Variants in LARGE1 observed in about 807,000 individuals in gnomAD.
The protein encoded by LARGE1 is xylosyl- and glucuronyltransferase LARGE1.
In LARGE1, 43 loss-of-function variants were observed where a neutral mutation model predicts 87.6. The ratio of observed to expected loss-of-function variants is 0.49; its 90% confidence interval spans 0.38 to 0.63. The LOEUF (loss-of-function observed/expected upper bound fraction) is 0.63. Among genes scored for constraint, LARGE1 ranks in the 30% least tolerant of loss-of-function variants. The probability of loss-of-function intolerance (pLI) is 0.00; values close to 1 mark genes in which losing one functional copy is unlikely to be tolerated. For synonymous variants in LARGE1, 434 were observed against 394.6 expected (o/e 1.10, Z -1.18); for missense variants, 802 against 1,000.2 (o/e 0.80, Z 2.67).
chr22:33,106,818 A>G, the LARGE1 span, among the ~76,000 whole-genome samples: 3 of 152,198 alleles, frequency 2.0e-5, no homozygotes, highest in South Asian at 6.2e-4. Flanking sequence ...TTAAATAGCA[A>G]AAACCGCAAT....
At chr22:33,246,626 C>G (rs969440840) in intron 11 of LARGE1, among the ~76,000 whole-genome samples, 1 of 151,996 alleles carries the variant, frequency 6.6e-6, no homozygotes. Flanking sequence ...AGCTTGGGTG[C>G]CAGAGCGAGA....
chr22:33,170,046 T>A (rs1191554773), intron 11 of LARGE1, among the ~76,000 whole-genome samples: 1 of 151,638 alleles, frequency 6.6e-6, no homozygotes, highest in Non-Finnish European at 1.5e-5. Context: ...GCAGGTGGAG[T>A]CTTCTGGGGT....
At chr22:33,603,348 A>G (rs1569305279) in intron 5 of LARGE1, among the ~76,000 whole-genome samples, 3 of 152,242 alleles carry the variant, frequency 2.0e-5, no homozygotes, top group Admixed American at 6.5e-5. Flanking sequence ...GCATTTCTGC[A>G]AAGTTACATG....
intron 11 of LARGE1, among the ~76,000 whole-genome samples, chr22:33,249,310 T>C (rs1336176298): frequency 2.6e-5 from 4 of 152,234 alleles, no homozygotes; most frequent in Non-Finnish European, 4.4e-5. Context: ...AGAGCAACTT[T>C]TTATATGTTT....
At chr22:33,473,335 G>A (rs2413188) in intron 6 of LARGE1, among the ~76,000 whole-genome samples, 147,298 of 152,184 alleles carry the variant, frequency 0.97, 71,289 homozygotes, top group African/African-American at 0.99. Context: ...TGCCCGGGTA[G>A]TTCTTTTTAT....
chr22:33,519,819 G>T (rs1472682842), intron 6 of LARGE1, among the ~76,000 whole-genome samples: 1 of 152,096 alleles, frequency 6.6e-6, no homozygotes, highest in African/African-American at 2.4e-5. Flanking sequence ...TGTTTATGAC[G>T]CTGGGTAAAA....
intron 9 of LARGE1, among the ~76,000 whole-genome samples, chr22:33,374,436 A>G (rs541330783): frequency 6.6e-6 from 1 of 152,336 alleles, no homozygotes; most frequent in African/African-American, 2.4e-5. Context: ...GAAAGCACTA[A>G]GATTCCACGT....
At chr22:33,471,387 G>A (rs1404154485) in intron 6 of LARGE1, among the ~76,000 whole-genome samples, 2 of 151,844 alleles carry the variant, frequency 1.3e-5, no homozygotes, top group Non-Finnish European at 2.9e-5. Context: ...GGAAAGCCCC[G>A]AACAACCCCA....
At chr22:33,731,841 AGCTTTTTGTATGT>A (rs1556017236) in intron 2 of LARGE1, among the ~76,000 whole-genome samples, 1 of 152,232 alleles carries the variant, frequency 6.6e-6, no homozygotes, top group Non-Finnish European at 1.5e-5. Flanking sequence ...AAATATGTAC[AGCTTTTTGTATGT>A]CTTTCATCCT....
intron 8 of LARGE1, among the ~76,000 whole-genome samples, chr22:33,383,432 C>T (rs1321490052): frequency 3.3e-5 from 5 of 151,824 alleles, no homozygotes; most frequent in Admixed American, 6.6e-5. Flanking sequence ...TGGTGCTGCA[C>T]GCCTGTAATC....
At chr22:33,462,744 G>A (rs1462908707) in intron 6 of LARGE1, among the ~76,000 whole-genome samples, 2 of 152,132 alleles carry the variant, frequency 1.3e-5, no homozygotes, top group African/African-American at 4.8e-5. Flanking sequence ...TCATGCCACT[G>A]TACTCCAGCC....
chr22:33,633,493 G>C (rs979832032), intron 3 of LARGE1, among the ~76,000 whole-genome samples: 10 of 152,072 alleles, frequency 6.6e-5, no homozygotes, highest in African/African-American at 2.2e-4. Flanking sequence ...ATAAATATGG[G>C]GAAAAAAATC....
At chr22:33,501,186 C>T (rs899003109) in intron 6 of LARGE1, among the ~76,000 whole-genome samples, 1 of 152,132 alleles carries the variant, frequency 6.6e-6, no homozygotes, top group Non-Finnish European at 1.5e-5. Context: ...TGGATTAGAG[C>T]CACTCTCCAA....
At chr22:33,913,407 C>A (rs1215104783) in intron 1 of LARGE1, among the ~76,000 whole-genome samples, 3 of 152,204 alleles carry the variant, frequency 2.0e-5, no homozygotes, top group African/African-American at 7.2e-5. Flanking sequence ...AGTGATGTAA[C>A]TCCATGTGTT....
At chr22:33,114,534 T>A in the LARGE1 span, among the ~76,000 whole-genome samples, 1 of 152,228 alleles carries the variant, frequency 6.6e-6, no homozygotes, top group Admixed American at 6.5e-5. Context: ...TTGCTACTTC[T>A]TCACACTGCA....
intron 11 of LARGE1, among the ~76,000 whole-genome samples, chr22:33,206,016 G>A (rs1389333404): frequency 6.9e-6 from 1 of 145,522 alleles, no homozygotes; most frequent in Admixed American, 7.0e-5. Flanking sequence ...GTGCAGTGGC[G>A]CGATCTCTGC....
At chr22:33,600,773 G>T (rs2079092957) in intron 5 of LARGE1, among the ~76,000 whole-genome samples, 1 of 152,132 alleles carries the variant, frequency 6.6e-6, no homozygotes. Context: ...TCAGCCGGGG[G>T]CAGTGGCTCA....
chr22:33,524,301 AAT>A (rs973572939), intron 6 of LARGE1, among the ~76,000 whole-genome samples: 20 of 149,674 alleles, frequency 1.3e-4, no homozygotes, highest in Admixed American at 2.7e-4. Flanking sequence ...AAAAAAAAAA[AAT>A]AATAATAATA....
intron 1 of LARGE1, among the ~76,000 whole-genome samples, chr22:33,774,354 TC>T (rs2085166141): frequency 6.6e-6 from 1 of 152,076 alleles, no homozygotes; most frequent in African/African-American, 2.4e-5. Context: ...TCTTTTTTTT[TC>T]TTTCTTTCTT....
Sources: gnomAD v4.1 joint callset for allele counts (sites outside exome capture counted in the v4.1 genomes callset) on GRCh38, gnomAD v4.1.1 for gene constraint, MANE v1.5 for transcripts, NCBI Gene and HGNC (gene_info 2026-07-23, HGNC 2026-07-21) for gene names.